The following LDB2 variants were observed in gnomAD, a reference collection of about 807,000 sequenced individuals.
The protein encoded by LDB2 is LIM domain binding 2.
A neutral mutation model predicts 44.3 loss-of-function variants in LDB2; 12 were observed. The ratio of observed to expected loss-of-function variants is 0.27; its 90% CI spans 0.17 to 0.44. The LOEUF (loss-of-function observed/expected upper bound fraction) is 0.44. Ranked by LOEUF, LDB2 falls within the 20% of genes least tolerant of loss-of-function variation. The pLI is 1.00. For synonymous variants in LDB2, 164 were observed against 174.8 expected (o/e 0.94, Z 0.49); for missense variants, 344 against 473.5 (o/e 0.73, Z 2.54).
intron 5 of LDB2, among the ~76,000 whole-genome samples, chr4:16,543,553 T>G (rs1327466517): frequency 3.3e-5 from 5 of 152,264 alleles, no homozygotes; most frequent in African/African-American, 1.2e-4. Flanking sequence ...ATGTGTTTTT[T>G]GGCTGCATAA....
intron 2 of LDB2, among the ~76,000 whole-genome samples, chr4:16,608,592 G>A (rs1208335845): frequency 6.6e-6 from 1 of 152,194 alleles, no homozygotes; most frequent in Admixed American, 6.5e-5. Context: ...CTTGGACCTA[G>A]GTGCCAATGC....
chr4:16,838,248 G>A (rs1360930131), intron 1 of LDB2, among the ~76,000 whole-genome samples: 1 of 152,156 alleles, frequency 6.6e-6, no homozygotes, highest in East Asian at 1.9e-4. Flanking sequence ...AGGAGAGGGT[G>A]ACCTTCTCCC....
intron 2 of LDB2, among the ~76,000 whole-genome samples, chr4:16,691,699 T>TG (rs1157889476): frequency 1.3e-5 from 2 of 152,180 alleles, no homozygotes; most frequent in African/African-American, 2.4e-5. Flanking sequence ...AGGCCTTCTT[T>TG]GGGGGAATAG....
intron 1 of LDB2, among the ~76,000 whole-genome samples, chr4:16,775,222 C>T (rs1289040287): frequency 2.6e-5 from 4 of 152,294 alleles, no homozygotes; most frequent in Non-Finnish European, 1.5e-5. Flanking sequence ...GGACCAGTGA[C>T]TGGAACAGAG....
chr4:16,604,930 CA>C (rs1245427193), intron 2 of LDB2, among the ~76,000 whole-genome samples: 1 of 152,148 alleles, frequency 6.6e-6, no homozygotes, highest in Non-Finnish European at 1.5e-5. Context: ...ATTCCTTTCA[CA>C]AATGTCAGTG....
At chr4:16,685,321 A>G (rs1748952435) in intron 2 of LDB2, among the ~76,000 whole-genome samples, 1 of 152,138 alleles carries the variant, frequency 6.6e-6, no homozygotes, top group Admixed American at 6.5e-5. Context: ...CTGCCTCCCT[A>G]AAATCAGGGA....
At chr4:16,757,527 CT>C (rs886240210) in intron 2 of LDB2, among the ~76,000 whole-genome samples, 2 of 152,158 alleles carry the variant, frequency 1.3e-5, no homozygotes, top group African/African-American at 4.8e-5. Flanking sequence ...TATTTTAATA[CT>C]GTAATTCTAG....
intron 1 of LDB2, among the ~76,000 whole-genome samples, chr4:16,863,287 C>T (rs1209487376): frequency 1.3e-5 from 2 of 152,154 alleles, no homozygotes; most frequent in African/African-American, 4.8e-5. Context: ...TGCAATATCA[C>T]CTCCCCCTTC....
rs543514045 is a variant in LDB2, at chr4:16,646,968, A to G, written c.236-51093T>C. Among the ~76,000 whole-genome samples the G allele has an allele frequency of 2.4e-3, 362 of 152,328 alleles. 2 individuals are homozygous for G. Among genetic ancestry groups the G allele is most frequent in the Non-Finnish European group, 3.9e-3 (265 of 68,034 alleles). On this transcript the variant is annotated intron_variant, in intron 2 of 7. Transcript: ENST00000304523. ...ACCACTACTAGCAATACCACTACAC[A>G]AGAGAAATGCAAACATATATCCATG...
At chr4:16,660,289 C>T (rs1741197878) in intron 2 of LDB2, among the ~76,000 whole-genome samples, 1 of 152,126 alleles carries the variant, frequency 6.6e-6, no homozygotes, top group African/African-American at 2.4e-5. Context: ...GAAGGCTGAA[C>T]ACAAAACTCA....
chr4:16,518,402 T>C (rs1489074760), intron 5 of LDB2, among the ~76,000 whole-genome samples: 1 of 152,088 alleles, frequency 6.6e-6, no homozygotes, highest in African/African-American at 2.4e-5. Flanking sequence ...TGACATCCTA[T>C]GGCCTTGAAC....
At chr4:16,522,220 C>A (rs998608814) in intron 5 of LDB2, among the ~76,000 whole-genome samples, 3 of 151,814 alleles carry the variant, frequency 2.0e-5, no homozygotes, top group Non-Finnish European at 2.9e-5. Context: ...CACTTTAAAA[C>A]TTGGCACGAC....
chr4:16,743,151 A>G (rs561798862), intron 2 of LDB2, among the ~76,000 whole-genome samples: 1 of 152,102 alleles, frequency 6.6e-6, no homozygotes, highest in African/African-American at 2.4e-5. Context: ...TTAGCCAGGC[A>G]TGGTGATGCA....
In LDB2 at chr4:16,813,827, C is replaced by T. The variant is rs140360233; in HGVS notation, c.133-54567G>A. On this transcript the variant is annotated intron_variant, in intron 1 of 7. Coordinates refer to ENST00000304523, the MANE Select transcript of LDB2 (RefSeq NM_001290.5). ...TTTGTTTTGTTCGTTTGGGCTTTGG[C>T]GGGTAAAGGGGCTACCCACAGGGAT... Among the ~76,000 whole-genome samples the T allele has an allele frequency of 8.3e-3, 1,255 of 151,564 alleles. 20 individuals carry two copies. The highest frequency in any genetic ancestry group is 0.028 in the African/African-American group (1,142 of 41,348).
chr4:16,652,159 C>A (rs1183711881), intron 2 of LDB2, among the ~76,000 whole-genome samples: 3 of 152,106 alleles, frequency 2.0e-5, no homozygotes, highest in African/African-American at 7.2e-5. Context: ...GTTGCCCAGG[C>A]TGGTCTTGAA....
At chr4:16,641,313 A>T (rs1248461363) in intron 2 of LDB2, among the ~76,000 whole-genome samples, 1 of 152,198 alleles carries the variant, frequency 6.6e-6, no homozygotes, top group African/African-American at 2.4e-5. Context: ...GTGGAAAACA[A>T]GGCATGTTCA....
chr4:16,874,746 G>T (rs1007975449), intron 1 of LDB2, among the ~76,000 whole-genome samples: 1 of 152,142 alleles, frequency 6.6e-6, no homozygotes, highest in Non-Finnish European at 1.5e-5. Context: ...TGGCACAAAG[G>T]TTATACTACG....
chr4:16,555,332 A>G (rs922964773), intron 5 of LDB2, among the ~76,000 whole-genome samples: 1 of 152,212 alleles, frequency 6.6e-6, no homozygotes, highest in Non-Finnish European at 1.5e-5. Flanking sequence ...CTGCGTTACT[A>G]TGGGAAATTC....
At chr4:16,870,111 C>T (rs1022461545) in intron 1 of LDB2, among the ~76,000 whole-genome samples, 1 of 152,048 alleles carries the variant, frequency 6.6e-6, no homozygotes, top group Non-Finnish European at 1.5e-5. Flanking sequence ...GCTGCAGAGG[C>T]GATCCACGAC....
Sources: gnomAD v4.1 joint callset for allele counts (sites outside exome capture counted in the v4.1 genomes callset) on GRCh38, gnomAD v4.1.1 for gene constraint, MANE v1.5 for transcripts, NCBI Gene and HGNC (gene_info 2026-07-23, HGNC 2026-07-21) for gene names.